Variants in PDE7A observed in about 807,000 individuals in gnomAD.
PDE7A encodes the protein high affinity 3',5'-cyclic-AMP phosphodiesterase 7A.
In PDE7A, 39 loss-of-function variants were observed where a neutral mutation model predicts 64.3. The observed-to-expected ratio is 0.61, with a 90% CI of 0.47 to 0.79. The LOEUF (loss-of-function observed/expected upper bound fraction) is 0.79. Among genes scored for constraint, PDE7A ranks in the 30% least tolerant of loss-of-function variants. The pLI, the probability that PDE7A is intolerant of heterozygous loss-of-function variation, is 0.00. For missense variants in PDE7A, 470 were observed against 582.8 expected (o/e 0.81, Z 1.99); for synonymous variants, 203 against 206.8 (o/e 0.98, Z 0.16).
intron 6 of PDE7A, among the ~76,000 whole-genome samples, chr8:65,738,501 G>A (rs527685011): frequency 6.6e-6 from 1 of 152,304 alleles, no homozygotes; most frequent in South Asian, 2.1e-4. Flanking sequence ...AGGAGAAACT[G>A]GTGCCTATTA....
intron 1 of PDE7A, among the ~76,000 whole-genome samples, chr8:65,835,154 G>C (rs572009624): frequency 6.6e-6 from 1 of 152,238 alleles, no homozygotes; most frequent in South Asian, 2.1e-4. Context: ...TAAAAGATAA[G>C]CAACTTCACA....
At chr8:65,733,323 G>C (rs1806981199) in intron 7 of PDE7A, among the ~76,000 whole-genome samples, 1 of 152,110 alleles carries the variant, frequency 6.6e-6, no homozygotes. Flanking sequence ...CGCTGACCAG[G>C]TTAACCCTTT....
intron 1 of PDE7A, among the ~76,000 whole-genome samples, chr8:65,817,216 T>G (rs1246554431): frequency 1.3e-5 from 2 of 152,174 alleles, no homozygotes; most frequent in Non-Finnish European, 2.9e-5. Context: ...GATAGTAGAG[T>G]GTTCCTATAT....
chr8:65,780,386 A>T lies in PDE7A; in HGVS notation c.200-583T>A, dbSNP rs73693414. On this transcript the variant is annotated intron_variant, in intron 2 of 12. Coordinates refer to ENST00000401827, the MANE Select transcript of PDE7A (RefSeq NM_001242318.3). ...CTTTGTTTTAAAGTCAATCTGATTAATCACTCTTTTCTCATTGACAGTGGG... is the reference window on the plus strand; with the variant it reads ...CTTTGTTTTAAAGTCAATCTGATTATTCACTCTTTTCTCATTGACAGTGGG... 8.5e-3 allele frequency among the ~76,000 whole-genome samples: 1,293 copies of T among 152,314 alleles called. 17 individuals carry two copies. Among genetic ancestry groups the T allele is most frequent in the African/African-American group, 0.029 (1,222 of 41,568 alleles).
chr8:65,744,228 A>AACAAAACAAC (rs1223788097), intron 5 of PDE7A, among the ~76,000 whole-genome samples: 4 of 149,370 alleles, frequency 2.7e-5, no homozygotes, highest in African/African-American at 1.0e-4. Context: ...AACAAAACAA[A>AACAAAACAAC]ACAAAACAAC....
At chr8:65,739,314 A>T (rs1165250802) in intron 6 of PDE7A, among the ~76,000 whole-genome samples, 188 bp downstream of exon 6, 6 of 152,290 alleles carry the variant, frequency 3.9e-5, no homozygotes, top group Non-Finnish European at 7.4e-5. Flanking sequence ...GCTCACCCAG[A>T]CCAGACCAAA....
chr8:65,733,354 T>C (rs371045979), intron 7 of PDE7A, among the ~76,000 whole-genome samples: 66 of 152,310 alleles, frequency 4.3e-4, no homozygotes, highest in African/African-American at 1.5e-3. Flanking sequence ...AGAGAACTTA[T>C]TACCATCTTT....
At chr8:65,828,944 T>C (rs1293641295) in intron 1 of PDE7A, among the ~76,000 whole-genome samples, 1 of 152,130 alleles carries the variant, frequency 6.6e-6, no homozygotes, top group African/African-American at 2.4e-5. Flanking sequence ...TTTTGCTAAT[T>C]TTCTACTGAG....
At chr8:65,762,078 A>G (rs898758348) in intron 3 of PDE7A, among the ~76,000 whole-genome samples, 1 of 152,238 alleles carries the variant, frequency 6.6e-6, no homozygotes, top group Non-Finnish European at 1.5e-5. Flanking sequence ...GAAGATACTA[A>G]TCATGAATTA....
intron 1 of PDE7A, among the ~76,000 whole-genome samples, chr8:65,790,260 G>C (rs983823966): frequency 2.6e-5 from 4 of 152,198 alleles, no homozygotes; most frequent in African/African-American, 9.6e-5. Context: ...GGGCCATGTG[G>C]GGGTGTCTTG....
chr8:65,788,826 A>G, intron 1 of PDE7A: 7 of 1,226,238 alleles, frequency 5.7e-6, no homozygotes, highest in Non-Finnish European at 8.4e-6. Flanking sequence ...TTTAATTCCT[A>G]TCAAATATGT....
chr8:65,723,339 G>A (rs1352939814), intron 12 of PDE7A: 2 of 386,166 alleles, frequency 5.2e-6, no homozygotes, highest in Non-Finnish European at 8.4e-6. Flanking sequence ...TGCCTGTTCT[G>A]CAAAAATATA....
chr8:65,741,420 T>G (rs1305577115), intron 5 of PDE7A, among the ~76,000 whole-genome samples: 4 of 152,246 alleles, frequency 2.6e-5, no homozygotes, highest in Admixed American at 6.5e-5. Flanking sequence ...CCTTGTTATC[T>G]AAAACTGCCT....
In PDE7A at chr8:65,739,577, T is replaced by G; in HGVS notation, c.520A>C (p.Thr174Pro). ...LTNGNSLVSL[T>P]FHLFSLHGLI... is the part of the protein sequence containing the mutation. ...CCATGAAGACTAAATAAATGAAAGG[T>G]TAAGCTTACTAGACTATTTCCTAAA... The change falls in exon 6 of 13, where the codon ACC becomes CCC. Residue 174 changes from threonine (T) to proline (P), a missense_variant. By Grantham distance (38) the Thr-to-Pro change is conservative. Transcript: ENST00000401827. 4 of 1,548,464 alleles carry G rather than the reference T, an allele frequency of 2.6e-6. No individual in the cohort carries two copies. Among genetic ancestry groups the G allele is most frequent in the Non-Finnish European group, 3.5e-6 (4 of 1,153,386 alleles).
In PDE7A at chr8:65,816,391, A is replaced by G. The variant is rs556879020; in HGVS notation, c.138+24980T>C. ...CAATGCTTTTTAAAGAAGAGATGAGAAAAAATATATTTATAGTCTTCTATA... is the reference window on the plus strand; with the variant it reads ...CAATGCTTTTTAAAGAAGAGATGAGGAAAAATATATTTATAGTCTTCTATA... On this transcript the variant is annotated intron_variant, in intron 1 of 12. Coordinates refer to ENST00000401827, the MANE Select transcript of PDE7A (RefSeq NM_001242318.3). Among the ~76,000 whole-genome samples the G allele has an allele frequency of 3.3e-5, 5 of 152,352 alleles. No homozygotes were observed. In the South Asian group the frequency reaches 8.3e-4, roughly 25 times the overall value.
intron 3 of PDE7A, among the ~76,000 whole-genome samples, chr8:65,761,508 C>T (rs186774859): frequency 1.2e-4 from 18 of 152,356 alleles, no homozygotes; most frequent in East Asian, 1.2e-3. Flanking sequence ...CAGGCTTGTG[C>T]TAGTTTACAT....
intron 1 of PDE7A, among the ~76,000 whole-genome samples, chr8:65,804,846 CTTTTA>C (rs10690816): frequency 6.6e-6 from 1 of 151,472 alleles, no homozygotes; most frequent in South Asian, 2.1e-4. Flanking sequence ...GCCAAGTTTT[CTTTTA>C]TTTTGAGATG....
chr8:65,772,378 A>G (rs1052544290), intron 3 of PDE7A, among the ~76,000 whole-genome samples: 2 of 152,212 alleles, frequency 1.3e-5, no homozygotes, highest in African/African-American at 2.4e-5. Flanking sequence ...AGTCTTTCAA[A>G]GCTTCAGTAC....
intron 1 of PDE7A, among the ~76,000 whole-genome samples, chr8:65,810,199 G>A (rs978987905): frequency 1.2e-4 from 18 of 152,150 alleles, no homozygotes; most frequent in South Asian, 2.1e-4. Context: ...CCTTTGTAGC[G>A]ACATGGATGA....
Sources: allele counts gnomAD v4.1 joint callset (sites outside exome capture counted in the v4.1 genomes callset), GRCh38; gene constraint gnomAD v4.1.1; transcripts MANE v1.5; gene names NCBI Gene and HGNC (gene_info 2026-07-23, HGNC 2026-07-21).